SALL3: variants seen among roughly 807,000 people sequenced by gnomAD.
The protein encoded by SALL3 is sal-like protein 3.
A neutral mutation model predicts 66.2 loss-of-function variants in SALL3; 25 were observed. The observed-to-expected ratio is 0.38, with a 90% confidence interval of 0.28 to 0.53. SALL3 has a LOEUF of 0.53. Among genes scored for constraint, SALL3 ranks in the 20% least tolerant of loss-of-function variants. SALL3 has a pLI of 0.85. For missense variants in SALL3, 2,194 were observed against 1,916.5 expected (o/e 1.14, Z -2.70); for synonymous variants, 1,152 against 899.1 (o/e 1.28, Z -5.03).
In SALL3 at chr18:78,994,683, G is replaced by A. The variant is rs199567878; in HGVS notation, c.2692G>A (p.Glu898Lys). The change falls in exon 2 of 3, where the codon GAG (glutamate) becomes AAG (lysine). Residue 898 changes from glutamate to lysine, a missense_variant. Transcript: ENST00000537592. ...CAGCGCGGGCAGCCCCGCCCTGTCC[G>A]AGTCCTCGTCCTCGCAGGCCCTGTC... ...SRSAGSPALSESSSSQALSPA... is the reference protein window; with the variant it reads ...SRSAGSPALSKSSSSQALSPA... 22 of 1,608,012 alleles carry A rather than the reference G, an allele frequency of 1.4e-5. No individual in the cohort carries two copies. Among genetic ancestry groups the A allele is most frequent in the Non-Finnish European group, 1.7e-5 (20 of 1,179,530 alleles).
At chr18:78,987,485 A>C (rs764637553) in intron 1 of SALL3, among the ~76,000 whole-genome samples, 2 of 152,176 alleles carry the variant, frequency 1.3e-5, no homozygotes, top group Non-Finnish European at 2.9e-5. Flanking sequence ...CTTCTGTACA[A>C]CTGAGAAACA....
At position 78,998,316 on chromosome 18, in the gene SALL3, A is replaced by C. The variant is rs1246679772; in HGVS notation, c.*994A>C. ...TTAAAAAAATGTAAAGTATTTTATA[A>C]ATAGTACTTCAGTTTAAGGAAAATG... On this transcript the variant is annotated 3_prime_UTR_variant, in exon 3 of 3. Transcript: ENST00000537592. 1 of 152,228 alleles carries C rather than the reference A, an allele frequency of 6.6e-6. No individual in the cohort carries two copies. Among genetic ancestry groups the C allele is most frequent in the Non-Finnish European group, 1.5e-5 (1 of 68,038 alleles). 9.4% of individuals were successfully genotyped at this position (152,228 alleles called of 1,614,324 possible).
Position 78,993,013 on chromosome 18 carries a change from C to G in SALL3, c.1022C>G (p.Ser341Cys). ...SAASSQPQSA[S>C]TPPALAPGSL... is the part of the protein sequence containing the mutation. ...GCCTCGTCGCAGCCGCAGAGCGCAT[C>G]CACGCCGCCTGCCCTGGCCCCGGGG... The change falls in exon 2 of 3, where the codon TCC becomes TGC. Residue 341 changes from serine (S) to cysteine (C), a missense_variant. Ser to Cys is a moderately radical substitution (Grantham distance 112, BLOSUM62 -1). Coordinates refer to ENST00000537592, the MANE Select transcript of SALL3 (RefSeq NM_171999.4). The G allele has an allele frequency of 6.6e-7, 1 of 1,522,028 alleles. No homozygotes were observed. Among genetic ancestry groups the G allele is most frequent in the South Asian group, 1.2e-5 (1 of 80,034 alleles). The allele number at this position is 1,522,028 out of a possible 1,614,324, so 94.3% of individuals were successfully genotyped here.
In SALL3 at chr18:78,993,836, G is replaced by A. The variant is rs774733461; in HGVS notation, c.1845G>A (p.Ala615=). 3.8e-5 allele frequency: 59 copies of A among 1,549,768 alleles called. No homozygotes were observed. The highest frequency in any genetic ancestry group is 5.1e-5 in the Non-Finnish European group (59 of 1,149,752). The change falls in exon 2 of 3, where the codon GCG becomes GCA. Residue 615 remains alanine, a synonymous_variant. Coordinates refer to ENST00000537592, the MANE Select transcript of SALL3 (RefSeq NM_171999.4). ...GGGCCGGGGACGCTCCCGTGGGCGC[G>A]CAGGCTAGCGCTGCACCCACATCGG... ...NARAGDAPVG[A]QASAAPTSVD...
rs1175895130 is a variant in SALL3 at position 78,997,022 on chromosome 18, A to C, written c.3603A>C (p.Ala1201=). 1 of 1,614,084 alleles carries C rather than the reference A, an allele frequency of 6.2e-7. No individual in the cohort carries two copies. The highest frequency in any genetic ancestry group is 2.2e-5 in the East Asian group (1 of 44,896). Residue 1201 remains alanine (A), a synonymous_variant, in exon 3 of 3, where the codon GCA becomes GCC. Coordinates refer to ENST00000537592, the MANE Select transcript of SALL3 (RefSeq NM_171999.4). The part of the protein sequence containing the change: ...KFSEMFQKDL[A]ARAMNVDPSF... The stretch of plus-strand genomic sequence containing the variant: ...CTGAAATGTTCCAGAAGGACCTGGC[A>C]GCTCGGGCAATGAACGTCGACCCCA...
rs866363100 is a variant in SALL3 at position 78,992,863 on chromosome 18, C to T, written c.872C>T (p.Pro291Leu). Reference sequence around the variant, plus strand: ...CCGGCCGCCTTCGAGGGCGCGCAGCCGCTGTCCCGGCCCGAGTCTGGCGCC... The same window carrying T: ...CCGGCCGCCTTCGAGGGCGCGCAGCTGCTGTCCCGGCCCGAGTCTGGCGCC... ...AAPAAFEGAQ[P>L]LSRPESGAST... Residue 291 changes from proline to leucine, a missense_variant, in exon 2 of 3, where the codon CCG (proline) becomes CTG (leucine). Coordinates refer to ENST00000537592, the MANE Select transcript of SALL3 (RefSeq NM_171999.4). 1.0e-6 allele frequency: 1 copy of T among 984,360 alleles called. No individual in the cohort carries two copies. Among genetic ancestry groups the T allele is most frequent in the Non-Finnish European group, 1.2e-6 (1 of 830,756 alleles). The allele number at this position is 984,360 out of a possible 1,614,324, so 61.0% of individuals were successfully genotyped here.
In SALL3 at chr18:78,979,986, C is replaced by A. The variant is rs942606417; in HGVS notation, c.-289C>A. The stretch of plus-strand genomic sequence containing the variant: ...AGGCGGCGCCGGGCAGCGCGCGCCC[C>A]GGTCCCGAGGCGCCGCGGCCCCCTC... On this transcript the variant is annotated 5_prime_UTR_variant, in exon 1 of 3. Coordinates refer to ENST00000537592, the MANE Select transcript of SALL3 (RefSeq NM_171999.4). Among the ~76,000 whole-genome samples the A allele has an allele frequency of 1.2e-4, 18 of 145,354 alleles. No individual in the cohort carries two copies. The highest frequency in any genetic ancestry group is 2.4e-4 in the Non-Finnish European group (16 of 65,476).
In SALL3 at chr18:78,997,373, C is replaced by T. The variant is rs1218257330; in HGVS notation, c.*51C>T. ...CCAGGCCCACGTTTTGAAGTTGGAG[C>T]ATCAGGCCTCCGACCTTTCTTGCCT... On this transcript the variant is annotated 3_prime_UTR_variant, in exon 3 of 3. Coordinates refer to ENST00000537592, the MANE Select transcript of SALL3 (RefSeq NM_171999.4). 1 of 1,545,128 alleles carries T rather than the reference C, an allele frequency of 6.5e-7. No individual in the cohort carries two copies. The highest frequency in any genetic ancestry group is 8.9e-7 in the Non-Finnish European group (1 of 1,129,390).
rs766086866 is a variant in SALL3 at position 78,995,496 on chromosome 18, G to T, written c.3471+34G>T. 19 of 1,496,812 alleles carry T rather than the reference G, an allele frequency of 1.3e-5. No individual in the cohort carries two copies. The Admixed American group carries it at 3.6e-4, about 28-fold the overall frequency. The allele number at this position is 1,496,812 out of a possible 1,614,324, so 92.7% of individuals were successfully genotyped here. ...ATGGCAGGCTCCAGCCCCGGCTGCGGTGCGGCCGAGCCACGGTGGCTTTCT... is the reference window on the plus strand; with the variant it reads ...ATGGCAGGCTCCAGCCCCGGCTGCGTTGCGGCCGAGCCACGGTGGCTTTCT... On this transcript the variant is annotated intron_variant, in intron 2 of 2. Coordinates refer to ENST00000537592, the MANE Select transcript of SALL3 (RefSeq NM_171999.4).
Position 78,994,623 on chromosome 18 carries a change from G to A in SALL3, c.2632G>A (p.Asp878Asn), listed in dbSNP as rs745575293. The A allele has an allele frequency of 3.1e-6, 5 of 1,608,680 alleles. No homozygotes were observed. In the East Asian group the frequency reaches 1.1e-4, roughly 36 times the overall value. The change falls in exon 2 of 3, where the codon GAC becomes AAC. Residue 878 changes from aspartate (D) to asparagine (N), a missense_variant. By Grantham distance (23) the Asp-to-Asn change is conservative (BLOSUM62 1). Transcript: ENST00000537592. ...GSGESDRLSNDSSSAVGDLES... is the reference protein window; with the variant it reads ...GSGESDRLSNNSSSAVGDLES... ...CGGGGAGAGTGACCGCCTGAGCAACGACTCCTCGTCGGCCGTGGGCGACCT... is the reference window on the plus strand; with the variant it reads ...CGGGGAGAGTGACCGCCTGAGCAACAACTCCTCGTCGGCCGTGGGCGACCT...
At position 78,998,641 on chromosome 18, in the gene SALL3, C is replaced by G. The variant is rs1039015944; in HGVS notation, c.*1319C>G. 1.4e-4 allele frequency: 21 copies of G among 152,286 alleles called. No individual in the cohort carries two copies. The highest frequency in any genetic ancestry group is 1.1e-3 in the Admixed American group (17 of 15,288). The allele number at this position is 152,286 out of a possible 1,614,324, so 9.4% of individuals were successfully genotyped here. ...CGGGTCTGTCTCTCTCTCTCACCCA[C>G]AGACAAGATTGTGGCTGCCTGGTGG... is the stretch of plus-strand genomic sequence containing the variant. On this transcript the variant is annotated 3_prime_UTR_variant, in exon 3 of 3. Coordinates refer to ENST00000537592, the MANE Select transcript of SALL3 (RefSeq NM_171999.4).
At position 78,992,465 on chromosome 18, in the gene SALL3, C is replaced by G. The variant is rs1054808356; in HGVS notation, c.474C>G (p.Ala158=). ...CGGCCCCTGCACCCCCAACGCCCGC[C>G]TACGGCGCGCCCAGCACCAACGTGA... is the stretch of plus-strand genomic sequence containing the variant. ...PPAAPAPPTP[A]YGAPSTNVTL... is the part of the protein sequence containing the mutation. Residue 158 remains alanine, a synonymous_variant, in exon 2 of 3, where the codon GCC becomes GCG. Transcript: ENST00000537592. 1 of 1,442,732 alleles carries G rather than the reference C, an allele frequency of 6.9e-7. No homozygotes were observed. The highest frequency in any genetic ancestry group is 9.1e-7 in the Non-Finnish European group (1 of 1,102,578). The allele number at this position is 1,442,732 out of a possible 1,614,324, so 89.4% of individuals were successfully genotyped here. A position where few individuals can be genotyped will look rare whatever the true frequency, so the allele number is the denominator to read the frequency against.
rs149417255 is a variant in SALL3 at position 78,997,272 on chromosome 18, C to T, written c.3853C>T (p.Arg1285Cys). The T allele has an allele frequency of 9.9e-6, 16 of 1,613,870 alleles. No individual in the cohort carries two copies. The highest frequency in any genetic ancestry group is 1.4e-5 in the Non-Finnish European group (16 of 1,180,022). ...DKASSETAAS[R>C]PFTRFIEDNK... ...AGCGAGCTCAGAAACAGCAGCCAGC[C>T]GCCCATTCACGCGGTTTATCGAGGA... is the stretch of plus-strand genomic sequence containing the variant. The change falls in exon 3 of 3, where the codon CGC becomes TGC. Residue 1285 changes from arginine (R) to cysteine (C), a missense_variant. Physicochemically the swap from Arg to Cys is radical, Grantham distance 180 (BLOSUM62 -3). Coordinates refer to ENST00000537592, the MANE Select transcript of SALL3 (RefSeq NM_171999.4).
intron 1 of SALL3, among the ~76,000 whole-genome samples, chr18:78,984,353 A>G (rs1282273496): frequency 1.3e-5 from 2 of 152,246 alleles, no homozygotes; most frequent in Non-Finnish European, 2.9e-5. Context: ...AATCTTTTTC[A>G]CTTCTAATGA....
In SALL3 at chr18:78,993,794, G is replaced by C. The variant is rs905928161; in HGVS notation, c.1803G>C (p.Leu601=). The change falls in exon 2 of 3, where the codon CTG becomes CTC. Residue 601 remains leucine, a synonymous_variant. Transcript: ENST00000537592. ...PPLTKAEPVS[L]PCTNARAGDA... is the part of the protein sequence containing the mutation. ...TCACTAAAGCCGAGCCCGTCAGCCT[G>C]CCCTGCACCAACGCCAGGGCCGGGG... 1 of 1,556,024 alleles carries C rather than the reference G, an allele frequency of 6.4e-7. No individual in the cohort carries two copies. Among genetic ancestry groups the C allele is most frequent in the African/African-American group, 1.4e-5 (1 of 73,372 alleles).
In SALL3 at chr18:78,993,626, C is replaced by T. The variant is rs751097004; in HGVS notation, c.1635C>T (p.Ser545=). 6.9e-6 allele frequency: 11 copies of T among 1,584,936 alleles called. No homozygotes were observed. The highest frequency in any genetic ancestry group is 5.4e-5 in the African/African-American group (4 of 74,386). The change falls in exon 2 of 3, where the codon AGC becomes AGT. Residue 545 remains serine, a synonymous_variant. Transcript: ENST00000537592. ...CGCACGGCTACGCCGACTCTCCCAG[C>T]GCCACCCCAGCCAGCCGCTCCCCGC... is the stretch of plus-strand genomic sequence containing the variant. ...PGAHGYADSP[S]ATPASRSPQR... is the part of the protein sequence containing the mutation.
At chr18:78,987,509 A>G (rs1399016527) in intron 1 of SALL3, among the ~76,000 whole-genome samples, 1 of 152,106 alleles carries the variant, frequency 6.6e-6, no homozygotes, top group African/African-American at 2.4e-5. Context: ...ACAGGAAGGA[A>G]TGTGCACATG....
rs1010361315 is a variant in SALL3 at position 78,992,910 on chromosome 18, G to A, written c.919G>A (p.Glu307Lys). 1.8e-5 allele frequency: 18 copies of A among 987,432 alleles called. No homozygotes were observed. In the African/African-American group the frequency reaches 2.7e-4, roughly 15 times the overall value. The allele number at this position is 987,432 out of a possible 1,614,324, so 61.2% of individuals were successfully genotyped here. Residue 307 changes from glutamate (E) to lysine (K), a missense_variant, in exon 2 of 3, where the codon GAG becomes AAG. Physicochemically the swap from Glu to Lys is moderately conservative, Grantham distance 56. Transcript: ENST00000537592. ...SGASTPGGPAEPSAPAAPSAA... is the reference protein window; with the variant it reads ...SGASTPGGPAKPSAPAAPSAA... ...CGCCAGCACCCCCGGCGGCCCTGCG[G>A]AGCCCAGCGCGCCCGCCGCCCCCAG...
At chr18:78,984,522 G>C (rs1196158277) in intron 1 of SALL3, among the ~76,000 whole-genome samples, 1 of 152,020 alleles carries the variant, frequency 6.6e-6, no homozygotes, top group African/African-American at 2.4e-5. Flanking sequence ...TGGAAGGACA[G>C]GTTTGTAATT....
Sources: allele counts gnomAD v4.1 joint callset (sites outside exome capture counted in the v4.1 genomes callset), GRCh38; gene constraint gnomAD v4.1.1; transcripts MANE v1.5; gene names NCBI Gene and HGNC (gene_info 2026-07-23, HGNC 2026-07-21).